The following LRMDA variants were observed in gnomAD, a reference collection of about 807,000 sequenced individuals.
The protein encoded by LRMDA is leucine-rich melanocyte differentiation-associated protein.
LRMDA carries 18 observed loss-of-function variants against 29.8 expected under a neutral mutation model. The observed-to-expected ratio is 0.60, with a 90% CI of 0.42 to 0.90. The LOEUF (loss-of-function observed/expected upper bound fraction) is 0.90, where lower values mean the gene tolerates loss of function less well. Ranked by LOEUF, LRMDA falls within the 40% of genes least tolerant of loss-of-function variation. The probability of loss-of-function intolerance (pLI) is 0.00; values close to 1 mark genes in which losing one functional copy is unlikely to be tolerated. For synonymous variants in LRMDA, 125 were observed against 109.4 expected, an observed-to-expected ratio of 1.14 and a Z score of -0.89; for missense variants, 273 against 273.9, an observed-to-expected ratio of 1.00 and a Z score of 0.02.
chr10:76,367,838 T>C (rs1394169250), intron 6 of LRMDA, among the ~76,000 whole-genome samples: 14 of 152,186 alleles, frequency 9.2e-5, no homozygotes, highest in Admixed American at 9.2e-4. Context: ...AAGAGTGTTG[T>C]ATTTTTCCAG....
chr10:76,012,665 G>A (rs11819383), intron 2 of LRMDA, among the ~76,000 whole-genome samples: 2,808 of 152,246 alleles, frequency 0.018, 90 homozygotes, highest in African/African-American at 0.062. Flanking sequence ...GAGGCAGTGC[G>A]TGCATGCACA....
intron 5 of LRMDA, among the ~76,000 whole-genome samples, chr10:76,137,287 C>T (rs548906374): frequency 1.3e-5 from 2 of 152,270 alleles, no homozygotes; most frequent in South Asian, 2.1e-4. Context: ...TAGCTATAAT[C>T]GGCTCAGCCA....
intron 2 of LRMDA, among the ~76,000 whole-genome samples, chr10:75,477,380 A>G (rs1205561060): frequency 2.0e-5 from 3 of 152,140 alleles, no homozygotes; most frequent in African/African-American, 4.8e-5. Flanking sequence ...GCAACATACA[A>G]ATTTCTTTTG....
rs761929039 is a variant in LRMDA at position 76,058,734 on chromosome 10, G to A, written c.467G>A (p.Arg156Gln). 3.4e-5 allele frequency: 55 copies of A among 1,614,074 alleles called. No homozygotes were observed. The highest frequency in any genetic ancestry group is 2.2e-4 in the East Asian group (10 of 44,894). The change falls in exon 5 of 7, where the codon CGA becomes CAA. Residue 156 changes from arginine to glutamine, a missense_variant. By Grantham distance (43) the Arg-to-Gln change is conservative (BLOSUM62 1). Coordinates refer to ENST00000611255, the MANE Select transcript of LRMDA (RefSeq NM_001305581.2). ...LDAQKVTRQE[R>Q]EEALVRGVFM... ...GCCCAGAAAGTAACCAGACAAGAAC[G>A]AGAGGAGGCGTTGGTCAGAGGAGTC... is the stretch of plus-strand genomic sequence containing the variant.
At chr10:75,950,544 C>T (rs769983879) in intron 2 of LRMDA, among the ~76,000 whole-genome samples, 1 of 152,208 alleles carries the variant, frequency 6.6e-6, no homozygotes, top group Non-Finnish European at 1.5e-5. Flanking sequence ...GATGTTCATT[C>T]CTTTCATTCC....
At chr10:76,124,139 G>A (rs1473293491) in intron 5 of LRMDA, among the ~76,000 whole-genome samples, 4 of 152,066 alleles carry the variant, frequency 2.6e-5, no homozygotes, top group South Asian at 2.1e-4. Context: ...ACTATTTGTC[G>A]CTTCTGCCAT....
chr10:75,780,601 AG>A, intron 2 of LRMDA, among the ~76,000 whole-genome samples: 1 of 152,164 alleles, frequency 6.6e-6, no homozygotes, highest in East Asian at 1.9e-4. Context: ...GAAATGCAAG[AG>A]GAGGGTCAAG....
intron 2 of LRMDA, among the ~76,000 whole-genome samples, chr10:75,874,797 C>T (rs892234852): frequency 2.6e-5 from 4 of 152,166 alleles, no homozygotes; most frequent in African/African-American, 9.7e-5. Context: ...ATAGTATATA[C>T]TAATGACAGA....
chr10:76,280,285 T>C (rs1840186571), intron 5 of LRMDA, among the ~76,000 whole-genome samples: 1 of 152,158 alleles, frequency 6.6e-6, no homozygotes, highest in Admixed American at 6.5e-5. Flanking sequence ...AGGGCAGGTA[T>C]TGAGCACAGC....
chr10:75,640,292 C>T (rs1841437034), intron 2 of LRMDA, among the ~76,000 whole-genome samples: 1 of 152,106 alleles, frequency 6.6e-6, no homozygotes, highest in Non-Finnish European at 1.5e-5. Context: ...CCCCATTAGG[C>T]AGGTAGATGT....
chr10:76,128,791 C>G (rs186693242), intron 5 of LRMDA, among the ~76,000 whole-genome samples: 1 of 152,232 alleles, frequency 6.6e-6, no homozygotes, highest in Non-Finnish European at 1.5e-5. Flanking sequence ...CTGTCTAGCC[C>G]AGAGCTCATC....
intron 5 of LRMDA, among the ~76,000 whole-genome samples, chr10:76,140,862 T>C (rs1190995255): frequency 6.6e-6 from 1 of 152,138 alleles, no homozygotes; most frequent in East Asian, 1.9e-4. Flanking sequence ...TCACAAGCTG[T>C]TTGCTGTTCT....
chr10:75,735,631 T>C (rs917843154), intron 2 of LRMDA, among the ~76,000 whole-genome samples: 4 of 152,154 alleles, frequency 2.6e-5, no homozygotes, highest in African/African-American at 9.7e-5. Context: ...TGGGTTCTGT[T>C]TTCCATGGTC....
chr10:76,444,633 C>A (rs1842335469), intron 6 of LRMDA, among the ~76,000 whole-genome samples: 1 of 152,164 alleles, frequency 6.6e-6, no homozygotes, highest in Non-Finnish European at 1.5e-5. Context: ...CCAAGCACAG[C>A]CTTAGGTTGC....
intron 2 of LRMDA, among the ~76,000 whole-genome samples, chr10:75,447,955 C>T (rs1238434190): frequency 1.3e-5 from 2 of 152,086 alleles, no homozygotes; most frequent in African/African-American, 4.8e-5. Context: ...AGGTTTCAGG[C>T]CAATGTGAGG....
rs564139752 is a variant in LRMDA at position 75,719,719 on chromosome 10, C to T, written c.131+281225C>T. On this transcript the variant is annotated intron_variant, in intron 2 of 6. Coordinates refer to ENST00000611255, the MANE Select transcript of LRMDA (RefSeq NM_001305581.2). Reference sequence around the variant, plus strand: ...CTGAGGTAATGAAGTGTTCCGCCTCCTGTTGCCGTGGGATGGCCATGGCCT... The same window carrying T: ...CTGAGGTAATGAAGTGTTCCGCCTCTTGTTGCCGTGGGATGGCCATGGCCT... Among the ~76,000 whole-genome samples the T allele has an allele frequency of 1.1e-4, 17 of 152,294 alleles. 1 individual carries two copies. In the South Asian group the frequency reaches 2.5e-3, roughly 22 times the overall value.
Position 76,273,472 on chromosome 10 carries a change from C to T in LRMDA, c.517-50929C>T, listed in dbSNP as rs564505483. Among the ~76,000 whole-genome samples the T allele has an allele frequency of 5.9e-5, 9 of 152,222 alleles. No individual in the cohort carries two copies. In the South Asian group the frequency reaches 6.2e-4, roughly 11 times the overall value. ...TTTCTTTCAGAGTTTGTTAAAATCA[C>T]GTTGCCTTTTTTACTATTTTTAAAT... On this transcript the variant is annotated intron_variant, in intron 5 of 6. Coordinates refer to ENST00000611255, the MANE Select transcript of LRMDA (RefSeq NM_001305581.2).
In LRMDA at chr10:75,932,477, G is replaced by A. The variant is rs1846222063; in HGVS notation, c.132-103531G>A. ...AATAAAAATAAATTATCTGGGTGTGGTAGTATGCACCTGTGGTCTCTGTTA... is the reference window on the plus strand; with the variant it reads ...AATAAAAATAAATTATCTGGGTGTGATAGTATGCACCTGTGGTCTCTGTTA... On this transcript the variant is annotated intron_variant, in intron 2 of 6. Transcript: ENST00000611255. Among the ~76,000 whole-genome samples the A allele has an allele frequency of 2.0e-5, 3 of 152,134 alleles. No homozygotes were observed. In the South Asian group the frequency reaches 6.2e-4, roughly 32 times the overall value.
At chr10:75,561,282 A>T (rs1461937020) in intron 2 of LRMDA, among the ~76,000 whole-genome samples, 2,678 of 150,418 alleles carry the variant, frequency 0.018, 91 homozygotes, top group African/African-American at 0.062. Context: ...TGTGTCAAGG[A>T]ATTTATCCAT....
Sources: allele counts gnomAD v4.1 joint callset (sites outside exome capture counted in the v4.1 genomes callset), GRCh38; gene constraint gnomAD v4.1.1; transcripts MANE v1.5; gene names NCBI Gene and HGNC (gene_info 2026-07-23, HGNC 2026-07-21).